YY1: variants seen among roughly 807,000 people sequenced by gnomAD.
YY1 encodes YY1 transcription factor, also known as transcriptional repressor protein YY1.
A neutral mutation model predicts 35.6 loss-of-function variants in YY1; 2 were observed. The ratio of observed to expected loss-of-function variants is 0.06; its 90% CI spans 0.02 to 0.18. YY1 has a LOEUF of 0.18. YY1 is among the 10% of genes least tolerant of loss of function. YY1 has a pLI of 1.00. For synonymous variants in YY1, 268 were observed against 238.9 expected (o/e 1.12, Z -1.12); for missense variants, 322 against 573.4 (o/e 0.56, Z 4.48).
intron 2 of YY1, among the ~76,000 whole-genome samples, chr14:100,270,624 A>AAAAAG (rs149313837): frequency 0.062 from 9,429 of 151,952 alleles, 381 homozygotes; most frequent in African/African-American, 0.11. Flanking sequence ...CTCCATCTCA[A>AAAAAG]AAAAGAAAAG....
At position 100,239,610 on chromosome 14, in the gene YY1, C is replaced by T. The variant is rs775769008; in HGVS notation, c.366C>T (p.Arg122=). Residue 122 remains arginine, a synonymous_variant, in exon 1 of 5, where the codon CGC becomes CGT. Coordinates refer to ENST00000262238, the MANE Select transcript of YY1 (RefSeq NM_003403.5). ...VVGGDDSDGL[R]AEDGFEDQIL... is the part of the protein sequence containing the mutation. ...GCGGCGACGACTCGGACGGGCTGCG[C>T]GCCGAGGACGGCTTCGAGGATCAGA... 4.3e-6 allele frequency: 7 copies of T among 1,612,014 alleles called. No individual in the cohort carries two copies. Among genetic ancestry groups the T allele is most frequent in the Non-Finnish European group, 5.9e-6 (7 of 1,179,608 alleles).
At chr14:100,274,843 T>G in intron 3 of YY1, 85 bp downstream of exon 3, 1 of 1,257,596 alleles carries the variant, frequency 8.0e-7, no homozygotes, top group South Asian at 1.2e-5. Context: ...TTGTTTCTGC[T>G]TGTGATAATT....
chr14:100,270,023 G>A (rs186692683), intron 2 of YY1, among the ~76,000 whole-genome samples: 12 of 152,042 alleles, frequency 7.9e-5, no homozygotes, highest in Admixed American at 1.3e-4. Context: ...AGCACTTTGC[G>A]AGGCTGAGGC....
At position 100,248,267 on chromosome 14, in the gene YY1, C is replaced by T. The variant is rs571758923; in HGVS notation, c.679+8344C>T. 3.3e-5 allele frequency among the ~76,000 whole-genome samples: 5 copies of T among 152,010 alleles called. 1 individual carries two copies. Among genetic ancestry groups the T allele is most frequent in the Non-Finnish European group, 7.4e-5 (5 of 67,992 alleles). On this transcript the variant is annotated intron_variant, in intron 1 of 4. Transcript: ENST00000262238. ...GGTAGCTGGGACTACAGGCGCCCAC[C>T]ACCACGCCTGGCTAATTTTTTTTCT... is the stretch of plus-strand genomic sequence containing the variant.
chr14:100,269,831 C>T (rs910316920), intron 2 of YY1, among the ~76,000 whole-genome samples: 1 of 152,060 alleles, frequency 6.6e-6, no homozygotes, highest in Non-Finnish European at 1.5e-5. Context: ...TAAATACTAG[C>T]ACACATTTTG....
At position 100,282,151 on chromosome 14, in the gene YY1, C is replaced by T. The variant is rs986780136; in HGVS notation, c.*4551C>T. ...GCTTCGTCCTGGCCGAGCAGGCACC[C>T]AGCCCCATGTCCCCCGCCAGCATTC... On this transcript the variant is annotated 3_prime_UTR_variant, in exon 5 of 5. Coordinates refer to ENST00000262238, the MANE Select transcript of YY1 (RefSeq NM_003403.5). The T allele has an allele frequency of 6.6e-6, 1 of 152,236 alleles. No individual in the cohort carries two copies. Among genetic ancestry groups the T allele is most frequent in the African/African-American group, 2.4e-5 (1 of 41,454 alleles). The allele number at this position is 152,236 out of a possible 1,614,324, so 9.4% of individuals were successfully genotyped here. A position where few individuals can be genotyped will look rare whatever the true frequency, so the allele number is the denominator to read the frequency against.
At chr14:100,246,240 A>C (rs1890831343) in intron 1 of YY1, among the ~76,000 whole-genome samples, 1 of 152,230 alleles carries the variant, frequency 6.6e-6, no homozygotes, top group South Asian at 2.1e-4. Context: ...CATCATGTGC[A>C]TACTGCCTGC....
At chr14:100,253,972 G>C (rs1177678357) in intron 1 of YY1, among the ~76,000 whole-genome samples, 1 of 151,942 alleles carries the variant, frequency 6.6e-6, no homozygotes, top group Non-Finnish European at 1.5e-5. Context: ...TGAGATTACA[G>C]GTGCCCGCTA....
intron 1 of YY1, among the ~76,000 whole-genome samples, chr14:100,255,557 T>G (rs767890616): frequency 2.0e-4 from 30 of 152,116 alleles, no homozygotes; most frequent in Non-Finnish European, 3.2e-4. Flanking sequence ...AGGCAGAGGT[T>G]GCGGTGAGCC....
chr14:100,239,949 C>G (rs1276190776), intron 1 of YY1, 26 bp downstream of exon 1: 31 of 1,511,162 alleles, frequency 2.1e-5, no homozygotes, highest in Non-Finnish European at 2.7e-5. Context: ...GCGCCCCGGC[C>G]CCGGGATGTT....
chr14:100,241,981 G>C (rs867217644), intron 1 of YY1, among the ~76,000 whole-genome samples: 3 of 129,918 alleles, frequency 2.3e-5, no homozygotes, highest in South Asian at 2.3e-4. Flanking sequence ...TCTCAAAAGG[G>C]GGGGGGGGGC....
Position 100,278,833 on chromosome 14 carries a change from G to A in YY1, c.*1233G>A, listed in dbSNP as rs1200574087. On this transcript the variant is annotated 3_prime_UTR_variant, in exon 5 of 5. Coordinates refer to ENST00000262238, the MANE Select transcript of YY1 (RefSeq NM_003403.5). ...AGGGTAAGGTGCCACCTGGCAGTGG[G>A]GCACACAGAGGGAAGACCAGGCCTG... is the stretch of plus-strand genomic sequence containing the variant. 1.3e-5 allele frequency: 2 copies of A among 152,258 alleles called. No individual in the cohort carries two copies. The highest frequency in any genetic ancestry group is 2.9e-5 in the Non-Finnish European group (2 of 68,054). 9.4% of individuals were successfully genotyped at this position (152,258 alleles called of 1,614,324 possible).
intron 1 of YY1, among the ~76,000 whole-genome samples, chr14:100,257,548 C>T (rs1412584272): frequency 6.6e-6 from 1 of 151,354 alleles, no homozygotes; most frequent in South Asian, 2.1e-4. Flanking sequence ...AGGGTAGAAC[C>T]CTAATGCATG....
chr14:100,249,365 C>T (rs957476231), intron 1 of YY1, among the ~76,000 whole-genome samples: 2 of 151,916 alleles, frequency 1.3e-5, no homozygotes, highest in Admixed American at 6.6e-5. Flanking sequence ...AAGTGATCTG[C>T]CTGCCTCAGC....
intron 1 of YY1, among the ~76,000 whole-genome samples, chr14:100,248,967 G>A (rs573595580): frequency 2.6e-4 from 40 of 152,028 alleles, no homozygotes; most frequent in African/African-American, 7.2e-4. Flanking sequence ...GATTACAGGC[G>A]TTAGCCATCA....
chr14:100,249,987 G>T (rs1890900547), intron 1 of YY1, among the ~76,000 whole-genome samples: 1 of 152,076 alleles, frequency 6.6e-6, no homozygotes, highest in South Asian at 2.1e-4. Flanking sequence ...TGGTCAGGCT[G>T]GTCTCGAACT....
chr14:100,253,497 A>AGAG (rs1443433965), intron 1 of YY1, among the ~76,000 whole-genome samples: 1 of 152,172 alleles, frequency 6.6e-6, no homozygotes, highest in African/African-American at 2.4e-5. Flanking sequence ...GGCTCACTGC[A>AGAG]ACCTCTGCGT....
intron 2 of YY1, chr14:100,265,360 A>G (rs1464479256): frequency 2.0e-5 from 3 of 152,280 alleles, no homozygotes; most frequent in Non-Finnish European, 4.4e-5. Flanking sequence ...CCTGGGCAAC[A>G]AGAGGGAAAC....
intron 1 of YY1, among the ~76,000 whole-genome samples, chr14:100,253,540 C>G (rs552068460): frequency 2.2e-4 from 33 of 152,278 alleles, no homozygotes; most frequent in African/African-American, 7.7e-4. Flanking sequence ...ACCTCAGCCA[C>G]CCGAATAGCA....
Sources: allele counts gnomAD v4.1 joint callset (sites outside exome capture counted in the v4.1 genomes callset), GRCh38; gene constraint gnomAD v4.1.1; transcripts MANE v1.5; gene names NCBI Gene and HGNC (gene_info 2026-07-23, HGNC 2026-07-21).